Variants in FILIP1 observed in about 807,000 individuals in gnomAD.
The protein encoded by FILIP1 is filamin A interacting protein 1.
A neutral mutation model predicts 102.1 loss-of-function variants in FILIP1; 61 were observed. The observed-to-expected ratio is 0.60, with a 90% CI of 0.49 to 0.74. The LOEUF (loss-of-function observed/expected upper bound fraction) is 0.74. FILIP1 is among the 30% of genes least tolerant of loss of function. FILIP1 has a pLI of 0.00. For synonymous variants in FILIP1, 491 were observed against 526.9 expected (o/e 0.93, Z 0.93); for missense variants, 1,314 against 1,441.2 (o/e 0.91, Z 1.43).
intron 4 of FILIP1, among the ~76,000 whole-genome samples, chr6:75,331,657 T>C (rs1211570683): frequency 6.6e-6 from 1 of 152,182 alleles, no homozygotes; most frequent in East Asian, 1.9e-4. Context: ...ATAACCCATG[T>C]GGCATATTTG....
intron 1 of FILIP1, among the ~76,000 whole-genome samples, chr6:75,460,479 T>C (rs896083236): frequency 6.6e-6 from 1 of 152,198 alleles, no homozygotes. Flanking sequence ...GCTAAATTTT[T>C]ATAGGAGTAA....
At chr6:75,390,727 A>G (rs941985677) in intron 2 of FILIP1, among the ~76,000 whole-genome samples, 1 of 152,170 alleles carries the variant, frequency 6.6e-6, no homozygotes, top group African/African-American at 2.4e-5. Flanking sequence ...ACATTTCAAC[A>G]TAAGATTTGG....
In FILIP1 at chr6:75,358,668, C is replaced by T. The variant is rs1036048056; in HGVS notation, c.450+4076G>A. 7 of 152,160 alleles carry T rather than the reference C, an allele frequency of 4.6e-5. 1 individual carries two copies. The allele number at this position is 152,160 out of a possible 1,614,324, so 9.4% of individuals were successfully genotyped here. ...CATTATTTGGTGAATTTCAGTGTCT[C>T]AGCTGTTGTAGACGGAATTGCCAAT... On this transcript the variant is annotated intron_variant, in intron 3 of 5. Coordinates refer to ENST00000237172, the MANE Select transcript of FILIP1 (RefSeq NM_015687.5).
At chr6:75,305,257 A>G (rs1318024382), downstream of FILIP1, among the ~76,000 whole-genome samples, 2 of 152,160 alleles carry the variant, frequency 1.3e-5, no homozygotes, top group African/African-American at 2.4e-5. Flanking sequence ...TGTGCTCTTC[A>G]TATCTATAAC....
At chr6:75,340,861 A>ATTTTTTTTTTTTTTTTTTTTTTTTTT (rs59666589) in intron 4 of FILIP1, among the ~76,000 whole-genome samples, 1 of 94,308 alleles carries the variant, frequency 1.1e-5, no homozygotes, top group Non-Finnish European at 2.0e-5. Context: ...ATGCTCAGGA[A>ATTTTTTTTTTTTTTTTTTTTTTTTTT]TTTTTTTTTT....
intron 1 of FILIP1, among the ~76,000 whole-genome samples, chr6:75,416,012 T>C (rs1375174091): frequency 2.0e-5 from 3 of 152,122 alleles, no homozygotes; most frequent in South Asian, 2.1e-4. Flanking sequence ...CCCTTAAATA[T>C]AGTAGATTAG....
In FILIP1 at chr6:75,362,768, ATCT is replaced by A. The variant is rs1775209668; in HGVS notation, c.423_425del (p.Glu141del). The A allele has an allele frequency of 6.2e-7, 1 of 1,613,488 alleles. No individual in the cohort carries two copies. The highest frequency in any genetic ancestry group is 8.5e-7 in the Non-Finnish European group (1 of 1,179,906). Reference sequence around the variant, plus strand: ...CCTCTGAAATCGGTTTCTCATAGACATCTTCTCCTATGGATTTCTCCTGGGCAA... The same window carrying A: ...CCTCTGAAATCGGTTTCTCATAGACATCTCCTATGGATTTCTCCTGGGCAA... On this transcript the variant is annotated inframe_deletion, in exon 3 of 6. Transcript: ENST00000237172.
chr6:75,327,853 G>C (rs1207152722), intron 4 of FILIP1, among the ~76,000 whole-genome samples: 1 of 151,900 alleles, frequency 6.6e-6, no homozygotes, highest in Non-Finnish European at 1.5e-5. Flanking sequence ...TTCTCAAAAA[G>C]AGACAGCCAG....
chr6:75,360,104 C>A (rs1382560132), intron 3 of FILIP1, among the ~76,000 whole-genome samples: 1 of 152,158 alleles, frequency 6.6e-6, no homozygotes, highest in African/African-American at 2.4e-5. Context: ...CTGCTGATGA[C>A]AACAGGCTCT....
intron 3 of FILIP1, among the ~76,000 whole-genome samples, chr6:75,361,606 A>T (rs1426018883): frequency 6.6e-6 from 1 of 152,204 alleles, no homozygotes; most frequent in East Asian, 1.9e-4. Context: ...ATACTTGCTG[A>T]GTACTTAGAA....
chr6:75,478,880 C>G (rs1779564003), intron 1 of FILIP1, among the ~76,000 whole-genome samples: 1 of 152,100 alleles, frequency 6.6e-6, no homozygotes, highest in Non-Finnish European at 1.5e-5. Flanking sequence ...CAATTTTATT[C>G]TAGGTAATGA....
chr6:75,309,657 G>C (rs755232016), intron 5 of FILIP1, among the ~76,000 whole-genome samples: 1 of 152,084 alleles, frequency 6.6e-6, no homozygotes, highest in Non-Finnish European at 1.5e-5. Flanking sequence ...ATGTTCCCCA[G>C]ACATCTTAAA....
In FILIP1 at chr6:75,312,555, G is replaced by C; in HGVS notation, c.3277C>G (p.Arg1093Gly). The part of the protein sequence containing the change: ...GEGVSPVITV[R>G]PVNVTAEKEV... Reference sequence around the variant, plus strand: ...TTTTCGGCTGTCACGTTTACTGGTCGGACAGTAATAACTGGACTGACTCCT... The same window carrying C: ...TTTTCGGCTGTCACGTTTACTGGTCCGACAGTAATAACTGGACTGACTCCT... The change falls in exon 5 of 6, where the codon CGA (arginine) becomes GGA (glycine). Residue 1093 changes from arginine (R) to glycine (G), a missense_variant. Physicochemically the swap from Arg to Gly is moderately radical, Grantham distance 125. This residue lies in a region of FILIP1 where 816 missense variants were observed against 913.1 expected (regional missense o/e 0.89). Coordinates refer to ENST00000237172, the MANE Select transcript of FILIP1 (RefSeq NM_015687.5). The C allele has an allele frequency of 6.2e-7, 1 of 1,614,166 alleles. No homozygotes were observed. The highest frequency in any genetic ancestry group is 8.5e-7 in the Non-Finnish European group (1 of 1,180,026).
In FILIP1 at chr6:75,478,906, T is replaced by C. The variant is rs189210831; in HGVS notation, c.-7+14508A>G. 1.1e-4 allele frequency among the ~76,000 whole-genome samples: 17 copies of C among 152,280 alleles called. No homozygotes were observed. In the East Asian group the frequency reaches 3.3e-3, roughly 29 times the overall value. On this transcript the variant is annotated intron_variant, in intron 1 of 5. Transcript: ENST00000237172. ...TAGGTAATGATCCATGGCAAAGAGT[T>C]GTTTGGTGCAGTGCCCCATTTCTTC...
intron 1 of FILIP1, among the ~76,000 whole-genome samples, chr6:75,493,057 G>A (rs1009870104): frequency 6.6e-6 from 1 of 152,160 alleles, no homozygotes; most frequent in African/African-American, 2.4e-5. Flanking sequence ...TTACTTCTAG[G>A]GGAGATATCC....
intron 1 of FILIP1, among the ~76,000 whole-genome samples, chr6:75,421,181 T>C (rs1241146441): frequency 3.3e-5 from 5 of 151,780 alleles, no homozygotes; most frequent in Non-Finnish European, 5.9e-5. Context: ...AAAATAAAAA[T>C]AAAGAAACAA....
chr6:75,355,823 C>G (rs1774976009), intron 3 of FILIP1, among the ~76,000 whole-genome samples: 1 of 152,200 alleles, frequency 6.6e-6, no homozygotes, highest in Non-Finnish European at 1.5e-5. Flanking sequence ...TGGACCAAAT[C>G]TTACAATCTT....
chr6:75,311,207 C>T (rs1562432611), intron 5 of FILIP1, among the ~76,000 whole-genome samples: 1 of 152,036 alleles, frequency 6.6e-6, no homozygotes, highest in South Asian at 2.1e-4. Context: ...TTTTGAGACA[C>T]GGTCTCACTC....
intron 1 of FILIP1, among the ~76,000 whole-genome samples, chr6:75,482,468 G>A (rs2149780075): frequency 6.6e-6 from 1 of 152,276 alleles, no homozygotes; most frequent in South Asian, 2.1e-4. Context: ...ATGAACTACA[G>A]CCTGGTTGTG....
Sources: gnomAD v4.1 joint callset for allele counts (sites outside exome capture counted in the v4.1 genomes callset) on GRCh38, gnomAD v4.1.1 for gene constraint, gnomAD v4.1.1 regional missense constraint, MANE v1.5 for transcripts, NCBI Gene and HGNC (gene_info 2026-07-23, HGNC 2026-07-21) for gene names.